The following C11orf65 variants were observed in gnomAD, a reference collection of about 807,000 sequenced individuals.
C11orf65 encodes the protein protein MFI.
Under a neutral mutation model 35.3 loss-of-function variants are expected in C11orf65, and 38 were observed. The observed-to-expected ratio is 1.08, with a 90% confidence interval of 0.83 to 1.41. C11orf65 has a LOEUF of 1.41. Ranked by LOEUF, C11orf65 falls within the 40% of genes most tolerant of loss-of-function variation. The pLI, the probability that C11orf65 is intolerant of heterozygous loss-of-function variation, is 0.00. For missense variants in C11orf65, 370 were observed against 367.1 expected, an observed-to-expected ratio of 1.01 and a Z score of -0.06; for synonymous variants, 105 against 114.4, an observed-to-expected ratio of 0.92 and a Z score of 0.53.
At chr11:108,353,646 C>T (rs2089472977) in intron 2 of C11orf65, 1 of 786,062 alleles carries the variant, frequency 1.3e-6, no homozygotes, top group Non-Finnish European at 2.2e-6. Flanking sequence ...ACTGTACATA[C>T]TAGTGTTCAT....
chr11:108,389,244 A>G (rs1314474411), intron 7 of C11orf65, among the ~76,000 whole-genome samples: 1 of 152,246 alleles, frequency 6.6e-6, no homozygotes, highest in Non-Finnish European at 1.5e-5. Context: ...GAGGTCTACA[A>G]AGGTCAAACG....
intron 6 of C11orf65, 28 bp from the exon 7 acceptor site, chr11:108,393,406 A>G: frequency 1.3e-6 from 2 of 1,582,100 alleles, no homozygotes; most frequent in Non-Finnish European, 1.7e-6. Flanking sequence ...AAAGAGAAGT[A>G]AATCTTTTGA....
At chr11:108,374,830 C>T (rs1052104173) in intron 2 of C11orf65, among the ~76,000 whole-genome samples, 9 of 151,988 alleles carry the variant, frequency 5.9e-5, no homozygotes, top group Non-Finnish European at 7.3e-5. Context: ...TCGAAAACTA[C>T]GTGAAGAATG....
chr11:108,327,926 AC>A (rs2085847430), downstream of C11orf65, among the ~76,000 whole-genome samples: 1 of 152,176 alleles, frequency 6.6e-6, no homozygotes, highest in Non-Finnish European at 1.5e-5. Context: ...AAACATTGTT[AC>A]AAAACAAAGC....
At chr11:108,387,148 CTTTTTT>C (rs1175890979) in intron 7 of C11orf65, among the ~76,000 whole-genome samples, 3 of 84,412 alleles carry the variant, frequency 3.6e-5, no homozygotes, top group Non-Finnish European at 6.4e-5. Context: ...TTCTTTCTTT[CTTTTTT>C]TTTTTTTTTT....
At chr11:108,308,803 A>T in exon 7 of C11orf65, 1 of 536,302 alleles carries the variant, frequency 1.9e-6, no homozygotes, top group South Asian at 2.5e-5. Flanking sequence ...TCTCTAGTAG[A>T]AAAAGAAGTT....
chr11:108,329,497 C>T (rs2086037739), downstream of C11orf65, among the ~76,000 whole-genome samples: 1 of 152,048 alleles, frequency 6.6e-6, no homozygotes, highest in Non-Finnish European at 1.5e-5. Flanking sequence ...TCACTGCAAC[C>T]TCGACCTCCT....
chr11:108,348,040 G>A (rs768339982), intron 2 of C11orf65, among the ~76,000 whole-genome samples: 2 of 152,106 alleles, frequency 1.3e-5, no homozygotes, highest in African/African-American at 4.8e-5. Flanking sequence ...TATTAGATGA[G>A]GAAATAGTGG....
At chr11:108,439,263 A>C (rs1192400272) in intron 2 of C11orf65, among the ~76,000 whole-genome samples, 2 of 152,238 alleles carry the variant, frequency 1.3e-5, no homozygotes, top group Non-Finnish European at 2.9e-5. Context: ...GGGAAATGTA[A>C]ATCAAAACTG....
chr11:108,377,206 A>T (rs1392605277), intron 2 of C11orf65, among the ~76,000 whole-genome samples: 1 of 152,076 alleles, frequency 6.6e-6, no homozygotes, highest in Non-Finnish European at 1.5e-5. Flanking sequence ...AATATCCTTG[A>T]TGAACATTGA....
chr11:108,430,313 G>A (rs1381109232), intron 3 of C11orf65, among the ~76,000 whole-genome samples: 2 of 83,218 alleles, frequency 2.4e-5, no homozygotes, highest in African/African-American at 9.3e-5. Flanking sequence ...TTTTTTTTTT[G>A]TATTTTTAGT....
intron 2 of C11orf65, among the ~76,000 whole-genome samples, chr11:108,356,600 A>G (rs964161708): frequency 6.6e-6 from 1 of 151,792 alleles, no homozygotes; most frequent in Admixed American, 6.6e-5. Context: ...GCAGCTTAAC[A>G]TATTCTTTAG....
chr11:108,325,269 C>G lies in C11orf65; in HGVS notation c.641-16198G>C, dbSNP rs770864116. ...ACATAGTTTTTTTTTTTTTTTTTTT[C>G]ATTTCTCTTGCTTACATGAACTCTA... On this transcript the variant is annotated intron_variant, in intron 6 of 6. Coordinates refer to the C11orf65 transcript ENST00000525729. The G allele has an allele frequency of 1.2e-4, 45 of 378,312 alleles. No individual in the cohort carries two copies. Among genetic ancestry groups the G allele is most frequent in the Non-Finnish European group, 1.5e-4 (35 of 233,100 alleles). The allele number at this position is 378,312 out of a possible 1,614,324, so 23.4% of individuals were successfully genotyped here. A position where few individuals can be genotyped will look rare whatever the true frequency, so the allele number is the denominator to read the frequency against.
At chr11:108,362,359 A>G (rs2090870534) in intron 2 of C11orf65, among the ~76,000 whole-genome samples, 2 of 151,546 alleles carry the variant, frequency 1.3e-5, no homozygotes. Context: ...TGGGACTGTA[A>G]ACTAGTTCAA....
At chr11:108,374,341 G>A (rs531804392) in intron 2 of C11orf65, among the ~76,000 whole-genome samples, 5 of 151,278 alleles carry the variant, frequency 3.3e-5, no homozygotes, top group African/African-American at 7.2e-5. Flanking sequence ...AAAATCCGTG[G>A]TTCTGCAGAC....
chr11:108,365,699 C>G, intron 2 of C11orf65: 2 of 715,588 alleles, frequency 2.8e-6, no homozygotes, highest in Admixed American at 5.7e-5. Flanking sequence ...AGGAACATCT[C>G]TGCTTTCACT....
chr11:108,375,338 C>G (rs1224140141), intron 2 of C11orf65, among the ~76,000 whole-genome samples: 4 of 151,830 alleles, frequency 2.6e-5, no homozygotes, highest in Non-Finnish European at 5.9e-5. Context: ...ATTCAACATT[C>G]TTAAAGAAAA....
chr11:108,421,161 T>C (rs1028540531), intron 3 of C11orf65, among the ~76,000 whole-genome samples: 18 of 152,334 alleles, frequency 1.2e-4, no homozygotes, highest in African/African-American at 4.1e-4. Context: ...CATGTCCATG[T>C]ATCTTTCTCC....
At chr11:108,395,677 G>A (rs1401979461) in intron 6 of C11orf65, among the ~76,000 whole-genome samples, 1 of 131,652 alleles carries the variant, frequency 7.6e-6, no homozygotes, top group East Asian at 2.3e-4. Context: ...CTGGAGTGCA[G>A]TGGCGCCATC....
Sources: allele counts gnomAD v4.1 joint callset (sites outside exome capture counted in the v4.1 genomes callset), GRCh38; gene constraint gnomAD v4.1.1; transcripts MANE v1.5; gene names NCBI Gene and HGNC (gene_info 2026-07-23, HGNC 2026-07-21).